EEIG1: variants seen among roughly 807,000 people sequenced by gnomAD.
EEIG1 encodes the protein early estrogen-induced gene 1 protein.
chr9:127,950,533 A>G, the EEIG1 span: 2 of 1,613,856 alleles, frequency 1.2e-6, no homozygotes, highest in Admixed American at 3.3e-5. Flanking sequence ...AAGTCAGCGA[A>G]GCCCAGCTAG....
the EEIG1 span, among the ~76,000 whole-genome samples, chr9:127,963,236 A>C: frequency 6.6e-6 from 1 of 152,208 alleles, no homozygotes; most frequent in African/African-American, 2.4e-5. Context: ...TTATAAGCAA[A>C]AGGGATCTGA....
At chr9:127,957,893 A>G in the EEIG1 span, among the ~76,000 whole-genome samples, 5 of 152,230 alleles carry the variant, frequency 3.3e-5, no homozygotes, top group African/African-American at 1.2e-4. Context: ...TGTGCCTGTG[A>G]TCCCAGCTAC....
the EEIG1 span, among the ~76,000 whole-genome samples, chr9:127,973,334 A>G: frequency 6.6e-6 from 1 of 152,142 alleles, no homozygotes; most frequent in Non-Finnish European, 1.5e-5. The surrounding 1 kb of genome is among the most constrained non-coding windows in gnomAD (Gnocchi z 4.2). Flanking sequence ...CAGGGTTCAA[A>G]GGGACTCAGG....
At chr9:127,980,242 C>T in the EEIG1 span, 1 of 1,303,934 alleles carries the variant, frequency 7.7e-7, no homozygotes. Flanking sequence ...AGAGCCGGAT[C>T]CCGCCCTGAT....
the EEIG1 span, chr9:127,953,665 T>C: frequency 2.5e-6 from 4 of 1,606,714 alleles, no homozygotes; most frequent in Middle Eastern, 1.6e-4. Context: ...ACCTCATGCA[T>C]CTCCCACAAT....
the EEIG1 span, chr9:127,943,218 C>T: frequency 8.1e-6 from 13 of 1,614,050 alleles, no homozygotes; most frequent in Admixed American, 1.2e-4. Flanking sequence ...ACAACTGGCT[C>T]GTAGACCCCA....
chr9:127,973,303 G>T, the EEIG1 span, among the ~76,000 whole-genome samples: 1 of 152,136 alleles, frequency 6.6e-6, no homozygotes, highest in Non-Finnish European at 1.5e-5. The surrounding 1 kb of genome is among the most constrained non-coding windows in gnomAD (Gnocchi z 4.2). Flanking sequence ...TGCAAGTCAG[G>T]ACTCCCAGGT....
At chr9:127,945,867 A>G in the EEIG1 span, 1 of 715,514 alleles carries the variant, frequency 1.4e-6, no homozygotes, top group African/African-American at 1.8e-5. This position sits in a 1 kb window ranked among gnomAD's most constrained non-coding sequence, Gnocchi z 6.5. Context: ...GCCATTTAAC[A>G]GACTGAAAAA....
chr9:127,965,834 A>G, the EEIG1 span, among the ~76,000 whole-genome samples: 2 of 152,224 alleles, frequency 1.3e-5, no homozygotes, highest in Non-Finnish European at 2.9e-5. Flanking sequence ...GGGGCTGAAG[A>G]GCCAGCGTGG....
the EEIG1 span, among the ~76,000 whole-genome samples, chr9:127,978,738 G>C: frequency 6.6e-6 from 1 of 152,186 alleles, no homozygotes; most frequent in African/African-American, 2.4e-5. Context: ...TGAGGACGCT[G>C]AGGCAGGAGG....
At chr9:127,976,634 G>A in the EEIG1 span, among the ~76,000 whole-genome samples, 1 of 152,242 alleles carries the variant, frequency 6.6e-6, no homozygotes, top group African/African-American at 2.4e-5. This position sits in a 1 kb window ranked among gnomAD's most constrained non-coding sequence, Gnocchi z 4.1. Context: ...GAGGCCTCAG[G>A]AAGATGAGGC....
the EEIG1 span, among the ~76,000 whole-genome samples, chr9:127,973,912 G>A: frequency 5.9e-5 from 9 of 152,162 alleles, no homozygotes; most frequent in Non-Finnish European, 1.2e-4. The surrounding 1 kb of genome is among the most constrained non-coding windows in gnomAD (Gnocchi z 4.2). Context: ...GGCAGCCCAC[G>A]TCAAGAGGCA....
the EEIG1 span, among the ~76,000 whole-genome samples, chr9:127,969,157 A>G: frequency 6.6e-6 from 1 of 152,200 alleles, no homozygotes; most frequent in Non-Finnish European, 1.5e-5. Context: ...CCGTCGGCAA[A>G]GACAGGGTTC....
the EEIG1 span, chr9:127,953,812 A>G: frequency 6.2e-7 from 1 of 1,614,010 alleles, no homozygotes; most frequent in South Asian, 1.1e-5. Flanking sequence ...CACCTTGCGC[A>G]CAGACACACG....
the EEIG1 span, chr9:127,945,574 GA>G: frequency 6.4e-7 from 1 of 1,562,724 alleles, no homozygotes; most frequent in East Asian, 2.4e-5. The surrounding 1 kb of genome is among the most constrained non-coding windows in gnomAD (Gnocchi z 6.5). Flanking sequence ...TGTCAGGGGC[GA>G]CGCAGGGGAG....
the EEIG1 span, chr9:127,945,769 G>C: frequency 6.5e-7 from 1 of 1,533,638 alleles, no homozygotes; most frequent in East Asian, 2.4e-5. This position sits in a 1 kb window ranked among gnomAD's most constrained non-coding sequence, Gnocchi z 6.5. Flanking sequence ...AGGCAGGAAG[G>C]GGCAGGGGGT....
the EEIG1 span, among the ~76,000 whole-genome samples, chr9:127,960,447 C>T: frequency 6.6e-6 from 1 of 152,132 alleles, no homozygotes. Flanking sequence ...GTGGCTTAGG[C>T]AGAGGCTGAG....
chr9:127,970,048 C>T, the EEIG1 span, among the ~76,000 whole-genome samples: 7 of 152,192 alleles, frequency 4.6e-5, no homozygotes, highest in Admixed American at 1.3e-4. Flanking sequence ...CATGACTCCC[C>T]TCAGCAAAGA....
At chr9:127,968,019 A>G in the EEIG1 span, among the ~76,000 whole-genome samples, 2 of 121,472 alleles carry the variant, frequency 1.6e-5, no homozygotes, top group African/African-American at 6.4e-5. Flanking sequence ...GGGTCTCACT[A>G]TGTTTCCTGG....
Sources: gnomAD v4.1 joint callset for allele counts (sites outside exome capture counted in the v4.1 genomes callset) on GRCh38, gnomAD v4.1.1 for gene constraint, Gnocchi (gnomAD v3.1) non-coding constraint, MANE v1.5 for transcripts, NCBI Gene and HGNC (gene_info 2026-07-23, HGNC 2026-07-21) for gene names.